SCYL3: variants seen among roughly 807,000 people sequenced by gnomAD.
SCYL3 encodes the protein protein-associating with the carboxyl-terminal domain of ezrin.
A neutral mutation model predicts 73.8 loss-of-function variants in SCYL3; 35 were observed. The ratio of observed to expected loss-of-function variants is 0.47; its 90% CI spans 0.36 to 0.63. SCYL3 has a LOEUF of 0.63. Among genes scored for constraint, SCYL3 ranks in the 20% least tolerant of loss-of-function variants. SCYL3 has a pLI of 0.00. For synonymous variants in SCYL3, 277 were observed against 295.2 expected (o/e 0.94, Z 0.63); for missense variants, 712 against 798.9 (o/e 0.89, Z 1.31).
intron 2 of SCYL3, among the ~76,000 whole-genome samples, chr1:169,881,388 T>C (rs988194862): frequency 6.6e-6 from 1 of 152,216 alleles, no homozygotes; most frequent in Non-Finnish European, 1.5e-5. Context: ...TCAATGTAAT[T>C]GGGATATCCA....
intron 3 of SCYL3, 54 bp downstream of exon 3, chr1:169,878,580 C>G: frequency 5.0e-6 from 7 of 1,392,034 alleles, no homozygotes; most frequent in Non-Finnish European, 5.9e-6. Context: ...ACACATCACC[C>G]TCCCACCCCC....
At chr1:169,873,873 T>C in intron 4 of SCYL3, 121 bp from the exon 5 acceptor site, 2 of 646,484 alleles carry the variant, frequency 3.1e-6, no homozygotes, top group Non-Finnish European at 5.4e-6. Flanking sequence ...TTCAAATCAA[T>C]GCCGCATATT....
At chr1:169,893,116 T>G (rs1209593175) in intron 1 of SCYL3, among the ~76,000 whole-genome samples, 1 of 152,200 alleles carries the variant, frequency 6.6e-6, no homozygotes, top group Non-Finnish European at 1.5e-5. Flanking sequence ...ATACATTTTA[T>G]AAGAACATGG....
At chr1:169,884,194 T>C (rs1420278903) in intron 2 of SCYL3, among the ~76,000 whole-genome samples, 2 of 152,200 alleles carry the variant, frequency 1.3e-5, no homozygotes, top group Non-Finnish European at 2.9e-5. Flanking sequence ...AATTACAAAC[T>C]AATAAATACA....
chr1:169,868,449 C>T (rs1376257620), intron 7 of SCYL3, among the ~76,000 whole-genome samples: 1 of 152,114 alleles, frequency 6.6e-6, no homozygotes, highest in African/African-American at 2.4e-5. Context: ...TTATATTGTG[C>T]CCTTGCCTCT....
chr1:169,856,293 T>G (rs757997021), intron 11 of SCYL3, among the ~76,000 whole-genome samples: 6 of 152,230 alleles, frequency 3.9e-5, no homozygotes, highest in Non-Finnish European at 5.9e-5. Context: ...CTACTTACTT[T>G]CCTTTTAAGA....
intron 10 of SCYL3, among the ~76,000 whole-genome samples, chr1:169,862,030 A>ATCC (rs1176072972): frequency 1.3e-5 from 2 of 152,204 alleles, no homozygotes; most frequent in African/African-American, 4.8e-5. Flanking sequence ...TCCCTTTCAC[A>ATCC]TCCTACAGCC....
chr1:169,893,466 G>A (rs1662227174), intron 1 of SCYL3, among the ~76,000 whole-genome samples: 1 of 152,100 alleles, frequency 6.6e-6, no homozygotes, highest in Admixed American at 6.5e-5. Flanking sequence ...TCGCTTCGCT[G>A]GCCCCTCACC....
chr1:169,882,889 G>GA (rs1169698053), intron 2 of SCYL3, among the ~76,000 whole-genome samples: 1 of 152,176 alleles, frequency 6.6e-6, no homozygotes, highest in Non-Finnish European at 1.5e-5. Flanking sequence ...CAGTCAGCAG[G>GA]ATGTGGGTCG....
At chr1:169,890,149 C>A (rs1176793609) in intron 1 of SCYL3, among the ~76,000 whole-genome samples, 1 of 152,298 alleles carries the variant, frequency 6.6e-6, no homozygotes, top group South Asian at 2.1e-4. Context: ...TCACAGAGTT[C>A]CAACCAGGAC....
intron 11 of SCYL3, among the ~76,000 whole-genome samples, chr1:169,855,359 T>G (rs1039880037): frequency 1.3e-5 from 2 of 152,208 alleles, no homozygotes; most frequent in African/African-American, 4.8e-5. Context: ...CTCAACTTAT[T>G]AACCTCACTT....
At chr1:169,859,847 C>T (rs1659487392) in intron 10 of SCYL3, 1 of 152,276 alleles carries the variant, frequency 6.6e-6, no homozygotes, top group Non-Finnish European at 1.5e-5. Context: ...CTGTAGTGTG[C>T]TATGCTGATT....
At chr1:169,877,921 T>G (rs1374617934) in intron 3 of SCYL3, among the ~76,000 whole-genome samples, 1 of 152,240 alleles carries the variant, frequency 6.6e-6, no homozygotes, top group East Asian at 1.9e-4. Context: ...TTTAAAAACA[T>G]ACATAAAGAT....
chr1:169,862,921 T>A, intron 9 of SCYL3, 124 bp from the exon 10 acceptor site: 1 of 951,554 alleles, frequency 1.1e-6, no homozygotes, highest in South Asian at 1.7e-5. Context: ...TAAATTCTTT[T>A]TTTCTTTTTG....
At position 169,859,049 on chromosome 1, in the gene SCYL3, G is replaced by C; in HGVS notation, c.1304C>G (p.Ser435Cys). The change falls in exon 11 of 13, where the codon TCT (serine) becomes TGT (cysteine). Residue 435 changes from serine (S) to cysteine (C), a missense_variant. Coordinates refer to ENST00000367771, the MANE Select transcript of SCYL3 (RefSeq NM_020423.7). ...CTTTTAATAATTCTTACCTTCTAGA[G>C]AAAGGTCAGTATTTTTAGTAAAACT... ...APSFTKNTDL[S>C]LEGDPFSQPI... The C allele has an allele frequency of 6.2e-7, 1 of 1,612,446 alleles. No homozygotes were observed. Among genetic ancestry groups the C allele is most frequent in the South Asian group, 1.1e-5 (1 of 90,740 alleles).
intron 11 of SCYL3, among the ~76,000 whole-genome samples, chr1:169,858,155 CTG>C (rs1223585365): frequency 3.9e-5 from 6 of 152,072 alleles, no homozygotes; most frequent in African/African-American, 7.2e-5. Flanking sequence ...ATGTTTTTAA[CTG>C]TTTGACTTTT....
intron 2 of SCYL3, among the ~76,000 whole-genome samples, chr1:169,880,509 G>T (rs1661164878): frequency 9.0e-6 from 1 of 110,866 alleles, no homozygotes; most frequent in African/African-American, 3.1e-5. Flanking sequence ...TGTTTAAAAT[G>T]CTGAAAGAAA....
chr1:169,881,918 GAATCT>G (rs2102199747), intron 2 of SCYL3, among the ~76,000 whole-genome samples: 1 of 152,336 alleles, frequency 6.6e-6, no homozygotes, highest in South Asian at 2.1e-4. Context: ...GCTCCTATGA[GAATCT>G]AATACTGAGA....
At chr1:169,863,439 A>G (rs1053870197) in intron 9 of SCYL3, among the ~76,000 whole-genome samples, 1 of 152,130 alleles carries the variant, frequency 6.6e-6, no homozygotes, top group African/African-American at 2.4e-5. Flanking sequence ...ACATACTGAT[A>G]TTGTTGTAGT....
Sources: gnomAD v4.1 joint callset for allele counts (sites outside exome capture counted in the v4.1 genomes callset) on GRCh38, gnomAD v4.1.1 for gene constraint, MANE v1.5 for transcripts, NCBI Gene and HGNC (gene_info 2026-07-23, HGNC 2026-07-21) for gene names.